RCAN2: variants seen among roughly 807,000 people sequenced by gnomAD.
RCAN2 encodes calcipressin-2.
Under a neutral mutation model 23.6 loss-of-function variants are expected in RCAN2, and 9 were observed. The observed-to-expected ratio is 0.38, with a 90% CI of 0.23 to 0.67. The LOEUF is 0.67. Among genes scored for constraint, RCAN2 ranks in the 30% least tolerant of loss-of-function variants. The pLI, the probability that RCAN2 is intolerant of heterozygous loss-of-function variation, is 0.51. For synonymous variants in RCAN2, 109 were observed against 115.7 expected (o/e 0.94, Z 0.37); for missense variants, 273 against 302.3 (o/e 0.90, Z 0.72).
intron 1 of RCAN2, among the ~76,000 whole-genome samples, chr6:46,490,722 G>C (rs1269947132): frequency 6.6e-6 from 1 of 152,104 alleles, no homozygotes; most frequent in Non-Finnish European, 1.5e-5. Context: ...CTCTGCATTG[G>C]GAAGAAGGGA....
chr6:46,270,815 C>T (rs1054480434), intron 2 of RCAN2, among the ~76,000 whole-genome samples: 56 of 152,126 alleles, frequency 3.7e-4, no homozygotes, highest in African/African-American at 1.1e-3. Context: ...TGACCACCAG[C>T]CAACAACCAG....
At chr6:46,370,706 A>G (rs1386461169) in intron 2 of RCAN2, among the ~76,000 whole-genome samples, 2 of 152,210 alleles carry the variant, frequency 1.3e-5, no homozygotes. Flanking sequence ...CCCTGCCTGC[A>G]TTTCAGTGTG....
intron 2 of RCAN2, among the ~76,000 whole-genome samples, chr6:46,399,297 G>T (rs1199837506): frequency 6.6e-6 from 1 of 151,882 alleles, no homozygotes; most frequent in East Asian, 2.0e-4. Flanking sequence ...TCATTAGAAG[G>T]ATAAAAATAT....
intron 2 of RCAN2, among the ~76,000 whole-genome samples, chr6:46,450,538 T>TAACCTAAGTGTTCATCAATAGATG (rs1361829554): frequency 2.0e-5 from 3 of 152,080 alleles, no homozygotes; most frequent in Non-Finnish European, 4.4e-5. Flanking sequence ...GATATGGACT[T>TAACCTAAGTGTTCATCAATAGATG]AACCTAAGTG....
At chr6:46,446,141 T>C (rs1295588472) in intron 2 of RCAN2, among the ~76,000 whole-genome samples, 2 of 116,986 alleles carry the variant, frequency 1.7e-5, no homozygotes, top group Admixed American at 8.3e-5. Context: ...AAATCAAAGA[T>C]AAAAAGAGGA....
intron 1 of RCAN2, among the ~76,000 whole-genome samples, chr6:46,473,482 T>A (rs1768626456): frequency 6.6e-6 from 1 of 152,184 alleles, no homozygotes; most frequent in East Asian, 1.9e-4. Context: ...CTATTACCTA[T>A]AAATCACCAA....
chr6:46,409,951 G>A (rs568420502), intron 2 of RCAN2, among the ~76,000 whole-genome samples: 3 of 152,222 alleles, frequency 2.0e-5, no homozygotes, highest in African/African-American at 7.2e-5. Flanking sequence ...ACATGGGCAG[G>A]TACTATCCAA....
At chr6:46,424,497 C>T (rs1245181944) in intron 2 of RCAN2, among the ~76,000 whole-genome samples, 3 of 152,144 alleles carry the variant, frequency 2.0e-5, no homozygotes, top group Non-Finnish European at 4.4e-5. Flanking sequence ...AGTTCTTCTT[C>T]TCTGACCCTG....
chr6:46,281,759 AT>A (rs1767931004), intron 2 of RCAN2, among the ~76,000 whole-genome samples: 1 of 152,186 alleles, frequency 6.6e-6, no homozygotes, highest in South Asian at 2.1e-4. Flanking sequence ...TATGTTGGGC[AT>A]TGTTCCAAAG....
At chr6:46,401,895 C>T (rs1049541539) in intron 2 of RCAN2, among the ~76,000 whole-genome samples, 9 of 152,120 alleles carry the variant, frequency 5.9e-5, no homozygotes, top group African/African-American at 1.9e-4. Flanking sequence ...GCCCCTGCAA[C>T]AGGACACTTG....
intron 2 of RCAN2, among the ~76,000 whole-genome samples, chr6:46,262,452 C>G (rs563399203): frequency 5.3e-5 from 8 of 152,236 alleles, no homozygotes; most frequent in Admixed American, 5.2e-4. Context: ...CTAGAGAGGT[C>G]TTTCTAAAAG....
chr6:46,257,457 A>G (rs185410254), intron 2 of RCAN2, among the ~76,000 whole-genome samples: 233 of 152,326 alleles, frequency 1.5e-3, no homozygotes, highest in Non-Finnish European at 2.0e-3. Flanking sequence ...ATTGACTCAC[A>G]GTTCCACATG....
rs1412898185 is a variant in RCAN2, at chr6:46,472,952, G to C, written c.-2-15974C>G. The stretch of plus-strand genomic sequence containing the variant: ...AGGTTGGCTTCTGGTAGCTCAGAGC[G>C]AGAAAAAGTCCCTTCATGGGACTAA... On this transcript the variant is annotated intron_variant, in intron 1 of 4. Coordinates refer to ENST00000371374, the MANE Select transcript of RCAN2 (RefSeq NM_001251974.2). Among the ~76,000 whole-genome samples, 5 of 152,148 alleles carry C rather than the reference G, an allele frequency of 3.3e-5. No homozygotes were observed. The South Asian group carries it at 1.0e-3, about 32-fold the overall frequency.
At chr6:46,431,388 C>T (rs1304999670) in intron 2 of RCAN2, among the ~76,000 whole-genome samples, 1 of 151,926 alleles carries the variant, frequency 6.6e-6, no homozygotes, top group Non-Finnish European at 1.5e-5. Flanking sequence ...CTTTTAAATG[C>T]TAATGAAAAC....
At chr6:46,342,100 TGAGTGTAGTGTTA>T (rs986932689) in intron 2 of RCAN2, among the ~76,000 whole-genome samples, 16 of 152,182 alleles carry the variant, frequency 1.1e-4, no homozygotes, top group African/African-American at 3.9e-4. Context: ...ATATGTCTTT[TGAGTGTAGTGTTA>T]GAGTGTCAAG....
intron 2 of RCAN2, among the ~76,000 whole-genome samples, chr6:46,450,202 T>C (rs1208884948): frequency 6.6e-6 from 1 of 152,016 alleles, no homozygotes; most frequent in Non-Finnish European, 1.5e-5. Flanking sequence ...TATTAAAAAG[T>C]ACTCAACTAT....
intron 2 of RCAN2, among the ~76,000 whole-genome samples, chr6:46,400,585 C>T (rs1364249578): frequency 1.3e-5 from 2 of 152,194 alleles, no homozygotes; most frequent in East Asian, 1.9e-4. Context: ...GCTCTCAGTA[C>T]GCAGGCCACA....
At chr6:46,251,519 C>T (rs1351080821) in intron 2 of RCAN2, among the ~76,000 whole-genome samples, 2 of 152,110 alleles carry the variant, frequency 1.3e-5, no homozygotes, top group Non-Finnish European at 2.9e-5. Context: ...GTGGGAGTTT[C>T]ACCTTCTCAT....
chr6:46,418,186 T>A (rs1766765595), intron 2 of RCAN2, among the ~76,000 whole-genome samples: 1 of 151,734 alleles, frequency 6.6e-6, no homozygotes, highest in Non-Finnish European at 1.5e-5. Flanking sequence ...CTAACGTCCA[T>A]TATAAGGTCA....
Sources: allele counts gnomAD v4.1 joint callset (sites outside exome capture counted in the v4.1 genomes callset), GRCh38; gene constraint gnomAD v4.1.1; transcripts MANE v1.5; gene names NCBI Gene and HGNC (gene_info 2026-07-23, HGNC 2026-07-21).